The following LRRN1 variants were observed in gnomAD, a reference collection of about 807,000 sequenced individuals.
LRRN1 encodes the protein leucine-rich repeat neuronal protein 1.
Under a neutral mutation model 45.8 loss-of-function variants are expected in LRRN1, and 14 were observed. That is an observed-to-expected ratio of 0.31 (90% CI 0.20 to 0.48). The LOEUF (loss-of-function observed/expected upper bound fraction) is 0.48, where lower values mean the gene tolerates loss of function less well. Among genes scored for constraint, LRRN1 ranks in the 20% least tolerant of loss-of-function variants. The pLI, the probability that LRRN1 is intolerant of heterozygous loss-of-function variation, is 0.99. For synonymous variants in LRRN1, 359 were observed against 330.1 expected, an observed-to-expected ratio of 1.09 and a Z score of -0.95; for missense variants, 789 against 874.2, an observed-to-expected ratio of 0.90 and a Z score of 1.23.
chr3:3,807,523 A>G (rs374109263), intron 1 of LRRN1, among the ~76,000 whole-genome samples: 4 of 152,314 alleles, frequency 2.6e-5, no homozygotes. Context: ...TTGTTTAGTA[A>G]GACTTGCACG....
intron 1 of LRRN1, chr3:3,800,963 A>G (rs959420078): frequency 1.3e-5 from 2 of 152,430 alleles, no homozygotes; most frequent in Admixed American, 1.3e-4. Flanking sequence ...CCGCCCGCCC[A>G]GGGAGTCCCT....
intron 1 of LRRN1, among the ~76,000 whole-genome samples, chr3:3,810,840 G>A (rs1304125327): frequency 6.6e-6 from 1 of 152,124 alleles, no homozygotes; most frequent in African/African-American, 2.4e-5. Flanking sequence ...CCGTGTTTTA[G>A]CTAGCTGATT....
intron 1 of LRRN1, among the ~76,000 whole-genome samples, chr3:3,834,865 T>C (rs998476489): frequency 3.3e-5 from 5 of 151,940 alleles, no homozygotes; most frequent in Admixed American, 6.6e-5. Context: ...CCCCACCAGA[T>C]TAAGGGTGGA....
At chr3:3,804,248 A>G (rs370184615) in intron 1 of LRRN1, 10 of 152,154 alleles carry the variant, frequency 6.6e-5, no homozygotes, top group Admixed American at 2.6e-4. Context: ...CCAACCTTCA[A>G]TTTTGTCATG....
chr3:3,825,312 C>T (rs1165980847), intron 1 of LRRN1, among the ~76,000 whole-genome samples: 1 of 152,176 alleles, frequency 6.6e-6, no homozygotes, highest in East Asian at 1.9e-4. Context: ...TGGAGACCAG[C>T]TGCGCCTTTG....
intron 1 of LRRN1, among the ~76,000 whole-genome samples, chr3:3,817,628 G>C (rs1198366108): frequency 6.6e-6 from 1 of 151,610 alleles, no homozygotes; most frequent in East Asian, 1.9e-4. Context: ...AAGCAGTCAG[G>C]CTCTTTAGAG....
At chr3:3,807,406 C>T (rs113583543) in intron 1 of LRRN1, among the ~76,000 whole-genome samples, 129 of 152,280 alleles carry the variant, frequency 8.5e-4, no homozygotes, top group African/African-American at 3.0e-3. Context: ...ACTTTCCTAT[C>T]AGAGAATAAT....
In LRRN1 at chr3:3,847,707, C is replaced by G. The variant is rs1693807678; in HGVS notation, c.*915C>G. On this transcript the variant is annotated 3_prime_UTR_variant, in exon 2 of 2. Transcript: ENST00000319331. ...CATAAAAACAACTACCAAAATAAAT[C>G]AGCTGTAGCATGTTGCTTTTTAAAG... 2 of 166,634 alleles carry G rather than the reference C, an allele frequency of 1.2e-5. No homozygotes were observed. The highest frequency in any genetic ancestry group is 4.1e-4 in the South Asian group (2 of 4,832). 10.3% of individuals were successfully genotyped at this position (166,634 alleles called of 1,614,324 possible).
intron 1 of LRRN1, among the ~76,000 whole-genome samples, chr3:3,830,009 G>A (rs942777983): frequency 6.6e-5 from 10 of 152,176 alleles, no homozygotes; most frequent in African/African-American, 2.4e-4. Flanking sequence ...CTGGAGCCAG[G>A]TCAGCCTTGG....
chr3:3,813,842 G>A (rs1171328720), intron 1 of LRRN1, among the ~76,000 whole-genome samples: 1 of 152,008 alleles, frequency 6.6e-6, no homozygotes, highest in Non-Finnish European at 1.5e-5. Flanking sequence ...GAACCAGGAG[G>A]AGAAGTACTC....
intron 1 of LRRN1, among the ~76,000 whole-genome samples, chr3:3,815,309 A>G (rs558000075): frequency 2.6e-5 from 4 of 152,176 alleles, no homozygotes; most frequent in Non-Finnish European, 5.9e-5. Context: ...AGATTTGGAA[A>G]GAAATGCTCA....
intron 1 of LRRN1, among the ~76,000 whole-genome samples, chr3:3,818,561 C>T (rs1444656552): frequency 1.3e-5 from 2 of 152,164 alleles, no homozygotes; most frequent in African/African-American, 4.8e-5. Context: ...AAAAATTTTT[C>T]CCGTCGTCCT....
Position 3,845,839 on chromosome 3 carries a change from G to A in LRRN1, c.1198G>A (p.Ala400Thr). 1 of 1,614,126 alleles carries A rather than the reference G, an allele frequency of 6.2e-7. No individual in the cohort carries two copies. The highest frequency in any genetic ancestry group is 8.5e-7 in the Non-Finnish European group (1 of 1,180,024). Reference sequence around the variant, plus strand: ...CATGGAGCCCCTGTCCATGTTCTGTGCCATGCCGCCCGAATATAAAGGGCA... The same window carrying A: ...CATGGAGCCCCTGTCCATGTTCTGTACCATGCCGCCCGAATATAAAGGGCA... Reference protein sequence around the residue: ...RFMEPLSMFCAMPPEYKGHQV... With the variant: ...RFMEPLSMFCTMPPEYKGHQV... Residue 400 changes from alanine (A) to threonine (T), a missense_variant, in exon 2 of 2, where the codon GCC (alanine) becomes ACC (threonine). By Grantham distance (58) the Ala-to-Thr change is moderately conservative. Transcript: ENST00000319331. This position sits in a 1 kb window ranked among gnomAD's most constrained non-coding sequence, Gnocchi z 6.5.
At position 3,846,377 on chromosome 3, in the gene LRRN1, A is replaced by G; in HGVS notation, c.1736A>G (p.His579Arg). Residue 579 changes from histidine (H) to arginine (R), a missense_variant, in exon 2 of 2, where the codon CAT becomes CGT. Coordinates refer to ENST00000319331, the MANE Select transcript of LRRN1 (RefSeq NM_020873.7). This position sits in a 1 kb window ranked among gnomAD's most constrained non-coding sequence, Gnocchi z 5.7. Reference sequence around the variant, plus strand: ...ACTGCCAGGGTCCCAGTCGATGTCCATGAATACAACCTAACGCATCTGCAG... The same window carrying G: ...ACTGCCAGGGTCCCAGTCGATGTCCGTGAATACAACCTAACGCATCTGCAG... ...TYTARVPVDV[H>R]EYNLTHLQPS... 1 of 1,613,884 alleles carries G rather than the reference A, an allele frequency of 6.2e-7. No homozygotes were observed. Among genetic ancestry groups the G allele is most frequent in the South Asian group, 1.1e-5 (1 of 91,086 alleles).
chr3:3,845,314 A>G lies in LRRN1; in HGVS notation c.673A>G (p.Met225Val), dbSNP rs376459966. The G allele has an allele frequency of 1.2e-6, 2 of 1,613,994 alleles. No individual in the cohort carries two copies. Among genetic ancestry groups the G allele is most frequent in the Admixed American group, 1.7e-5 (1 of 60,006 alleles). The change falls in exon 2 of 2, where the codon ATG (methionine) becomes GTG (valine). Residue 225 changes from methionine (M) to valine (V), a missense_variant. Transcript: ENST00000319331. The surrounding 1 kb of genome is among the most constrained non-coding windows in gnomAD (Gnocchi z 6.5). ...ANLRSLVLAG[M>V]YLTDIPGNAL... Reference sequence around the variant, plus strand: ...TTTGAGAAGCTTAGTTTTGGCAGGAATGTATCTCACTGATATTCCTGGAAA... The same window carrying G: ...TTTGAGAAGCTTAGTTTTGGCAGGAGTGTATCTCACTGATATTCCTGGAAA...
chr3:3,810,420 T>C (rs116192231), intron 1 of LRRN1, among the ~76,000 whole-genome samples: 29 of 152,374 alleles, frequency 1.9e-4, no homozygotes, highest in African/African-American at 7.0e-4. Context: ...ATTGTTACTG[T>C]TAATTCTTAG....
chr3:3,844,021 TTAAG>T (rs1693700881), intron 1 of LRRN1, among the ~76,000 whole-genome samples: 2 of 152,126 alleles, frequency 1.3e-5, no homozygotes, highest in Admixed American at 6.6e-5. Context: ...AGTGTTCCTA[TTAAG>T]TATGTATGAG....
intron 1 of LRRN1, among the ~76,000 whole-genome samples, chr3:3,820,643 C>T (rs698203): frequency 0.97 from 147,602 of 152,322 alleles, 71,678 homozygotes; most frequent in East Asian, 1. Flanking sequence ...ATGAACTTTA[C>T]GAGTCCATAC....
chr3:3,820,747 T>G (rs936829573), intron 1 of LRRN1, among the ~76,000 whole-genome samples: 8 of 152,350 alleles, frequency 5.3e-5, no homozygotes, highest in East Asian at 1.9e-4. Flanking sequence ...GTACTCTGGT[T>G]GTTGTTTCAT....
Sources: gnomAD v4.1 joint callset for allele counts (sites outside exome capture counted in the v4.1 genomes callset) on GRCh38, gnomAD v4.1.1 for gene constraint, Gnocchi (gnomAD v3.1) non-coding constraint, MANE v1.5 for transcripts, NCBI Gene and HGNC (gene_info 2026-07-23, HGNC 2026-07-21) for gene names.